DNMBP: variants seen among roughly 807,000 people sequenced by gnomAD.
DNMBP encodes dynamin-binding protein.
Under a neutral mutation model 150.0 loss-of-function variants are expected in DNMBP, and 87 were observed. That is an observed-to-expected ratio of 0.58 (90% CI 0.49 to 0.69). The LOEUF is 0.69. Among genes scored for constraint, DNMBP ranks in the 30% least tolerant of loss-of-function variants. DNMBP has a pLI of 0.00. For missense variants in DNMBP, 1,774 were observed against 1,949.0 expected, an observed-to-expected ratio of 0.91 and a Z score of 1.69; for synonymous variants, 711 against 750.4, an observed-to-expected ratio of 0.95 and a Z score of 0.86.
At chr10:99,916,426 C>A (rs148694943) in intron 4 of DNMBP, among the ~76,000 whole-genome samples, 3 of 152,230 alleles carry the variant, frequency 2.0e-5, no homozygotes, top group South Asian at 4.1e-4. Context: ...GGCGACAGAG[C>A]GAGACTCTGT....
intron 1 of DNMBP, among the ~76,000 whole-genome samples, chr10:99,980,928 T>A (rs1257473300): frequency 6.6e-6 from 1 of 151,752 alleles, no homozygotes; most frequent in Admixed American, 6.6e-5. Flanking sequence ...TGCCAGGGGG[T>A]AGGGGCGAGA....
At chr10:99,891,111 T>G (rs1305124677) in intron 11 of DNMBP, among the ~76,000 whole-genome samples, 1 of 152,048 alleles carries the variant, frequency 6.6e-6, no homozygotes, top group Non-Finnish European at 1.5e-5. Flanking sequence ...AAAAAAAGAT[T>G]TTAAAATCTT....
At chr10:99,901,081 G>A (rs1376296979) in intron 6 of DNMBP, among the ~76,000 whole-genome samples, 1 of 152,076 alleles carries the variant, frequency 6.6e-6, no homozygotes, top group Non-Finnish European at 1.5e-5. Flanking sequence ...GACTACAGAT[G>A]TGCGCTGCCA....
chr10:99,902,071 T>C (rs2039749192), intron 6 of DNMBP, among the ~76,000 whole-genome samples: 1 of 151,898 alleles, frequency 6.6e-6, no homozygotes. Flanking sequence ...TTGCATTTTT[T>C]GGTAGACGGG....
chr10:99,876,780 C>T lies in DNMBP; in HGVS notation c.*371G>A, dbSNP rs149009718. 4.3e-5 allele frequency: 7 copies of T among 163,876 alleles called. No individual in the cohort carries two copies. Among genetic ancestry groups the T allele is most frequent in the Non-Finnish European group, 9.2e-5 (7 of 76,162 alleles). 10.2% of individuals were successfully genotyped at this position (163,876 alleles called of 1,614,324 possible). A position where few individuals can be genotyped will look rare whatever the true frequency, so the allele number is the denominator to read the frequency against. ...GCATGGAACATGGGGCCACCCCAAACGCCGTACAGCACAACCATTACCAAC... is the reference window on the plus strand; with the variant it reads ...GCATGGAACATGGGGCCACCCCAAATGCCGTACAGCACAACCATTACCAAC... On this transcript the variant is annotated 3_prime_UTR_variant, in exon 17 of 17. Coordinates refer to ENST00000324109, the MANE Select transcript of DNMBP (RefSeq NM_015221.4).
intron 6 of DNMBP, among the ~76,000 whole-genome samples, chr10:99,903,339 TG>T (rs1323760429): frequency 6.6e-6 from 1 of 151,498 alleles, no homozygotes; most frequent in African/African-American, 2.4e-5. Flanking sequence ...TTTTTTGTTT[TG>T]TTTTTTTTTA....
intron 1 of DNMBP, among the ~76,000 whole-genome samples, chr10:99,990,229 T>C (rs1455161049): frequency 6.6e-6 from 1 of 152,096 alleles, no homozygotes; most frequent in Non-Finnish European, 1.5e-5. Flanking sequence ...CACCTGAAGA[T>C]TTTTTAGTAG....
intron 1 of DNMBP, among the ~76,000 whole-genome samples, chr10:99,985,072 T>C (rs1473408713): frequency 6.6e-6 from 1 of 152,190 alleles, no homozygotes; most frequent in African/African-American, 2.4e-5. Flanking sequence ...AAAATATTCT[T>C]GATATTTTGG....
rs7077480 is a variant in DNMBP, at chr10:99,943,378, T to C, written c.2260+11836A>G. On this transcript the variant is annotated intron_variant, in intron 4 of 16. Coordinates refer to ENST00000324109, the MANE Select transcript of DNMBP (RefSeq NM_015221.4). ...TTTGAGAAGGAATTCTTGTGTGTGG[T>C]TTTTTGTTTGTTTGTTTGTTTGTTT... Among the ~76,000 whole-genome samples, 731 of 122,052 alleles carry C rather than the reference T, an allele frequency of 6.0e-3. 7 individuals are homozygous for C. Among genetic ancestry groups the C allele is most frequent in the African/African-American group, 0.025 (681 of 27,420 alleles). The allele number at this position is 122,052 out of a possible 152,430, so 80.1% of individuals were successfully genotyped here.
rs575224398 is a variant in DNMBP at position 99,933,687 on chromosome 10, G to A, written c.2260+21527C>T. Reference sequence around the variant, plus strand: ...ACCAGTGCATTCCCTCTGTGTTCTCGATGGATGGCCTTAGGGCCAGAGGGG... The same window carrying A: ...ACCAGTGCATTCCCTCTGTGTTCTCAATGGATGGCCTTAGGGCCAGAGGGG... On this transcript the variant is annotated intron_variant, in intron 4 of 16. Transcript: ENST00000324109. Among the ~76,000 whole-genome samples the A allele has an allele frequency of 7.9e-4, 121 of 152,300 alleles. 1 individual carries two copies. The highest frequency in any genetic ancestry group is 2.8e-3 in the African/African-American group (115 of 41,578).
At chr10:99,981,289 C>CT (rs1453971148) in intron 1 of DNMBP, among the ~76,000 whole-genome samples, 2 of 152,186 alleles carry the variant, frequency 1.3e-5, no homozygotes, top group Non-Finnish European at 2.9e-5. Context: ...TCAAGTAACT[C>CT]TCGTGCCTCA....
At chr10:99,898,629 G>C in intron 8 of DNMBP, 114 bp downstream of exon 8, 2 of 1,126,188 alleles carry the variant, frequency 1.8e-6, no homozygotes, top group South Asian at 2.6e-5. Context: ...ACCCAGCAAG[G>C]TGAGTCTACT....
intron 4 of DNMBP, among the ~76,000 whole-genome samples, chr10:99,913,432 A>G (rs1025876577): frequency 2.6e-5 from 4 of 152,216 alleles, no homozygotes; most frequent in African/African-American, 9.6e-5. Context: ...TGGTAAATAC[A>G]CTTGGTAAAA....
At chr10:99,939,136 C>G (rs887440612) in intron 4 of DNMBP, among the ~76,000 whole-genome samples, 1 of 151,860 alleles carries the variant, frequency 6.6e-6, no homozygotes, top group East Asian at 1.9e-4. Flanking sequence ...AAAAAAAGAG[C>G]AAGAATATGT....
intron 1 of DNMBP, among the ~76,000 whole-genome samples, chr10:99,983,705 G>A (rs1026543076): frequency 1.3e-5 from 2 of 152,216 alleles, no homozygotes; most frequent in African/African-American, 4.8e-5. Flanking sequence ...ACAGAATGTC[G>A]AACTGGAAGA....
intron 1 of DNMBP, among the ~76,000 whole-genome samples, chr10:99,979,833 T>C (rs2040764399): frequency 6.6e-6 from 1 of 152,212 alleles, no homozygotes; most frequent in African/African-American, 2.4e-5. Flanking sequence ...TCATAAATAA[T>C]ATTCAGGGCA....
At chr10:99,909,208 T>C (rs186956807) in intron 4 of DNMBP, 62 bp from the exon 5 acceptor site, 1 of 1,395,458 alleles carries the variant, frequency 7.2e-7, no homozygotes, top group East Asian at 2.3e-5. Context: ...CTTCCACAGT[T>C]TGAGGCAAAC....
intron 1 of DNMBP, among the ~76,000 whole-genome samples, chr10:99,991,636 A>C (rs2133377824): frequency 1.3e-5 from 2 of 151,866 alleles, no homozygotes; most frequent in Middle Eastern, 6.8e-3. Flanking sequence ...TGTGCTAAGA[A>C]GCCAATCACA....
intron 4 of DNMBP, chr10:99,913,855 T>G: frequency 1.6e-6 from 2 of 1,229,596 alleles, no homozygotes; most frequent in Middle Eastern, 2.8e-4. Context: ...TGGGGAAAAT[T>G]TTGAGCTCCC....
Sources: allele counts gnomAD v4.1 joint callset (sites outside exome capture counted in the v4.1 genomes callset), GRCh38; gene constraint gnomAD v4.1.1; transcripts MANE v1.5; gene names NCBI Gene and HGNC (gene_info 2026-07-23, HGNC 2026-07-21).